The following JAK2 variants were observed in gnomAD, a reference collection of about 807,000 sequenced individuals.
JAK2 encodes the protein tyrosine-protein kinase JAK2.
In JAK2, 86 loss-of-function variants were observed where a neutral mutation model predicts 139.3. The observed-to-expected ratio is 0.62, with a 90% confidence interval of 0.52 to 0.74. JAK2 has a LOEUF of 0.74. JAK2 is among the 30% of genes least tolerant of loss of function. JAK2 has a pLI of 0.00. For synonymous variants in JAK2, 490 were observed against 437.7 expected, an observed-to-expected ratio of 1.12 and a Z score of -1.49; for missense variants, 1,421 against 1,360.3, an observed-to-expected ratio of 1.04 and a Z score of -0.70.
intron 4 of JAK2, among the ~76,000 whole-genome samples, chr9:5,043,767 A>T (rs58345215): frequency 0.23 from 35,690 of 152,202 alleles, 4,590 homozygotes; most frequent in South Asian, 0.31. Flanking sequence ...ATTTGGCAAT[A>T]AAAGGAAATG....
chr9:5,109,384 T>C (rs1232963269), intron 22 of JAK2: 3 of 152,184 alleles, frequency 2.0e-5, no homozygotes, highest in African/African-American at 7.2e-5. Context: ...CAAGAACTGC[T>C]AACTCATGCC....
chr9:5,076,146 T>A (rs1819293073), intron 14 of JAK2, among the ~76,000 whole-genome samples: 1 of 152,188 alleles, frequency 6.6e-6, no homozygotes, highest in African/African-American at 2.4e-5. Context: ...AGTGGTTTCT[T>A]AAGATGGAAT....
intron 21 of JAK2, 48 bp from the exon 22 acceptor site, chr9:5,090,691 T>C (rs1357453150): frequency 1.3e-6 from 2 of 1,545,102 alleles, no homozygotes; most frequent in Non-Finnish European, 1.7e-6. Flanking sequence ...ACCATTTAAA[T>C]TGTTTATATT....
chr9:5,029,927 A>G, intron 4 of JAK2, 21 bp downstream of exon 4: 1 of 1,567,666 alleles, frequency 6.4e-7, no homozygotes, highest in East Asian at 2.3e-5. Context: ...CAGTAAAGTA[A>G]CTCACTTAAT....
chr9:5,070,495 G>A (rs568875085), intron 12 of JAK2, among the ~76,000 whole-genome samples: 1 of 152,016 alleles, frequency 6.6e-6, no homozygotes, highest in Non-Finnish European at 1.5e-5. Context: ...GGAACCTGTG[G>A]ATATGAAAAG....
chr9:5,047,178 G>C (rs1186902830), intron 5 of JAK2, among the ~76,000 whole-genome samples: 1 of 152,086 alleles, frequency 6.6e-6, no homozygotes, highest in Non-Finnish European at 1.5e-5. Flanking sequence ...ATTACTCTAA[G>C]ATTGTACTGT....
intron 22 of JAK2, chr9:5,110,869 C>T (rs1822432861): frequency 3.5e-5 from 18 of 510,514 alleles, no homozygotes; most frequent in South Asian, 2.8e-4. Flanking sequence ...CCGCCGCGCC[C>T]AGCAGGGTTT....
rs143227399 is a variant in JAK2 at position 5,022,130 on chromosome 9, G to A, written c.143G>A (p.Gly48Glu). The change falls in exon 3 of 25, where the codon GGG becomes GAG. Residue 48 changes from glycine (G) to glutamate (E), a missense_variant. By Grantham distance (98) the Gly-to-Glu change is moderately conservative (BLOSUM62 -2). Transcript: ENST00000381652. ...CAGGTGTATCTTTACCATTCCCTTG[G>A]GAAATCTGAGGCAGATTATCTGACC... ...VLQVYLYHSL[G>E]KSEADYLTFP... 2.6e-4 allele frequency: 412 copies of A among 1,613,992 alleles called. 2 individuals carry two copies. The highest frequency in any genetic ancestry group is 9.9e-4 in the South Asian group (90 of 91,080).
chr9:5,125,947 T>C (rs1053057730), intron 23 of JAK2: 2 of 153,498 alleles, frequency 1.3e-5, no homozygotes, highest in African/African-American at 4.8e-5. Flanking sequence ...GAAAGTTTTC[T>C]TTGTTGTATT....
At chr9:5,072,686 T>G in intron 13 of JAK2, 60 bp downstream of exon 13, 2 of 1,300,046 alleles carry the variant, frequency 1.5e-6, no homozygotes, top group South Asian at 3.8e-5. Flanking sequence ...TGCTCTCATA[T>G]GCATACAACG....
At chr9:5,090,363 G>C in intron 20 of JAK2, 83 bp from the exon 21 acceptor site, 1 of 1,002,940 alleles carries the variant, frequency 1.0e-6, no homozygotes, top group Middle Eastern at 3.5e-4. Flanking sequence ...ATATGTTTAA[G>C]TCATTTATGT....
At chr9:5,028,383 G>C (rs1822919653) in intron 3 of JAK2, among the ~76,000 whole-genome samples, 2 of 152,148 alleles carry the variant, frequency 1.3e-5, no homozygotes, top group Non-Finnish European at 2.9e-5. Flanking sequence ...TATCTTCTAG[G>C]CTTTGTTGTC....
chr9:4,988,015 T>TTACA (rs1437733942), intron 2 of JAK2, among the ~76,000 whole-genome samples: 4 of 152,180 alleles, frequency 2.6e-5, no homozygotes, highest in Non-Finnish European at 5.9e-5. Flanking sequence ...TGAGGGAGTA[T>TTACA]TACAGCCTTT....
At chr9:5,053,194 C>G (rs544602146) in intron 6 of JAK2, among the ~76,000 whole-genome samples, 20 of 152,092 alleles carry the variant, frequency 1.3e-4, no homozygotes, top group African/African-American at 4.6e-4. Context: ...CTGTCTCATT[C>G]TAGTTTTGAT....
intron 11 of JAK2, 150 bp from the exon 12 acceptor site, chr9:5,069,775 C>A (rs536671173): frequency 7.6e-6 from 3 of 395,520 alleles, no homozygotes; most frequent in East Asian, 3.9e-5. Flanking sequence ...ATGAGTTGAC[C>A]CCTAAAATAA....
rs953365044 is a variant in JAK2 at position 5,129,086 on chromosome 9, G to A, written c.*2295G>A. 6.6e-6 allele frequency among the ~76,000 whole-genome samples: 1 copy of A among 151,940 alleles called. No individual in the cohort carries two copies. Among genetic ancestry groups the A allele is most frequent in the Non-Finnish European group, 1.5e-5 (1 of 67,896 alleles). On this transcript the variant is annotated 3_prime_UTR_variant, in exon 25 of 25. Transcript: ENST00000381652. ...CCTAAGGCTTCTAGTTTACAGTCAA[G>A]TGTAATTTTCATCACAACTATAACT...
intron 22 of JAK2, among the ~76,000 whole-genome samples, chr9:5,116,854 C>G (rs1298222857): frequency 6.6e-6 from 1 of 152,158 alleles, no homozygotes; most frequent in African/African-American, 2.4e-5. Flanking sequence ...TAATATGGCA[C>G]TTTCAATAAT....
Position 5,126,357 on chromosome 9 carries a change from G to A in JAK2, c.3202G>A (p.Asp1068Asn). ...GGAATTTATGCGTATGATTGGCAAT[G>A]ACAAACAAGGACAGATGATCGTGTT... Reference protein sequence around the residue: ...PAEFMRMIGNDKQGQMIVFHL... With the variant: ...PAEFMRMIGNNKQGQMIVFHL... The change falls in exon 24 of 25, where the codon GAC (aspartate) becomes AAC (asparagine). Residue 1068 changes from aspartate to asparagine, a missense_variant. Asp to Asn is a conservative substitution (Grantham distance 23). Transcript: ENST00000381652. 2 of 1,608,802 alleles carry A rather than the reference G, an allele frequency of 1.2e-6. No homozygotes were observed. Among genetic ancestry groups the A allele is most frequent in the Non-Finnish European group, 1.7e-6 (2 of 1,177,102 alleles).
intron 8 of JAK2, among the ~76,000 whole-genome samples, chr9:5,058,862 C>T (rs567167993): frequency 6.6e-6 from 1 of 152,072 alleles, no homozygotes; most frequent in South Asian, 2.1e-4. Flanking sequence ...TATTCAAGTC[C>T]TTTGCTCATT....
Sources: gnomAD v4.1 joint callset for allele counts (sites outside exome capture counted in the v4.1 genomes callset) on GRCh38, gnomAD v4.1.1 for gene constraint, MANE v1.5 for transcripts, NCBI Gene and HGNC (gene_info 2026-07-23, HGNC 2026-07-21) for gene names.